SBF2: variants seen among roughly 807,000 people sequenced by gnomAD.
The protein encoded by SBF2 is myotubularin-related protein 13.
In SBF2, 112 loss-of-function variants were observed where a neutral mutation model predicts 225.2. That is an observed-to-expected ratio of 0.50 (90% CI 0.43 to 0.58). The LOEUF (loss-of-function observed/expected upper bound fraction) is 0.58, where lower values mean the gene tolerates loss of function less well. SBF2 is among the 20% of genes least tolerant of loss of function. SBF2 has a pLI of 0.00. For synonymous variants in SBF2, 763 were observed against 773.3 expected (o/e 0.99, Z 0.22); for missense variants, 1,996 against 2,206.2 (o/e 0.90, Z 1.91).
chr11:10,180,200 T>C (rs72861731), intron 2 of SBF2, among the ~76,000 whole-genome samples: 8,338 of 152,260 alleles, frequency 0.055, 318 homozygotes, highest in Middle Eastern at 0.14. Context: ...TGATGTCTTA[T>C]TTCTTATTAA....
chr11:10,132,554 G>A (rs112342759), intron 2 of SBF2, among the ~76,000 whole-genome samples: 8,269 of 148,340 alleles, frequency 0.056, 671 homozygotes, highest in Middle Eastern at 0.16. Flanking sequence ...GTCTGGAGTT[G>A]TTCGTTCCTC....
intron 17 of SBF2, among the ~76,000 whole-genome samples, chr11:9,888,708 T>TA (rs977262113): frequency 6.0e-4 from 91 of 151,186 alleles, no homozygotes; most frequent in African/African-American, 2.0e-3. Context: ...GCAAAAAGAT[T>TA]AAAAAAAAAG....
intron 32 of SBF2, among the ~76,000 whole-genome samples, chr11:9,801,775 A>C (rs1288282075): frequency 6.6e-6 from 1 of 152,232 alleles, no homozygotes. Flanking sequence ...AGACAGCAGA[A>C]ACTCTTGAAT....
rs3993326 is a variant in SBF2, at chr11:10,055,524, TACACACACACACACACACACAC to T, written c.142-12565_142-12544del. On this transcript the variant is annotated intron_variant, in intron 2 of 39. Coordinates refer to ENST00000256190, the MANE Select transcript of SBF2 (RefSeq NM_030962.4). ...ACAGATGAGTAAATAAAGAAAATGA[TACACACACACACACACACACAC>T]ACACACACACACACACACACACACA... is the stretch of plus-strand genomic sequence containing the variant. 9.0e-5 allele frequency among the ~76,000 whole-genome samples: 12 copies of T among 133,854 alleles called. 1 individual carries two copies. The highest frequency in any genetic ancestry group is 6.7e-4 in the East Asian group (3 of 4,466). 87.8% of individuals were successfully genotyped at this position (133,854 alleles called of 152,430 possible). A position where few individuals can be genotyped will look rare whatever the true frequency, so the allele number is the denominator to read the frequency against.
At chr11:9,994,994 A>G (rs752134050) in intron 9 of SBF2, among the ~76,000 whole-genome samples, 1 of 150,988 alleles carries the variant, frequency 6.6e-6, no homozygotes, top group Non-Finnish European at 1.5e-5. Context: ...CTGAGATCGC[A>G]CCACTGCACT....
Position 10,201,189 on chromosome 11 carries a change from G to C in SBF2, c.56-7202C>G, listed in dbSNP as rs530141393. The stretch of plus-strand genomic sequence containing the variant: ...TACTCATTTTAATAGAATAGAAGCT[G>C]ATCTAAAGATATCTGTCCAAAGACA... On this transcript the variant is annotated intron_variant, in intron 1 of 39. Transcript: ENST00000256190. Among the ~76,000 whole-genome samples the C allele has an allele frequency of 1.9e-3, 283 of 152,310 alleles. 1 individual carries two copies. The highest frequency in any genetic ancestry group is 6.3e-3 in the African/African-American group (261 of 41,572).
intron 7 of SBF2, 63 bp from the exon 8 acceptor site, chr11:10,001,085 T>C (rs1468498986): frequency 9.4e-6 from 8 of 852,184 alleles, no homozygotes; most frequent in South Asian, 1.4e-5. Flanking sequence ...TCTTCTTTCA[T>C]CTTTATGCTG....
At chr11:9,942,776 A>G (rs1865330243) in intron 16 of SBF2, among the ~76,000 whole-genome samples, 1 of 151,986 alleles carries the variant, frequency 6.6e-6, no homozygotes, top group South Asian at 2.1e-4. Context: ...GGCTACAGTG[A>G]GCCATGGTCA....
chr11:9,989,814 C>T (rs1352295425), intron 12 of SBF2, among the ~76,000 whole-genome samples: 1 of 152,188 alleles, frequency 6.6e-6, no homozygotes, highest in African/African-American at 2.4e-5. Context: ...ATTTAGGGCC[C>T]TATTTCTTCT....
At chr11:9,957,614 C>T (rs1866263096) in intron 16 of SBF2, 2 of 152,052 alleles carry the variant, frequency 1.3e-5, no homozygotes, top group Admixed American at 1.3e-4. Flanking sequence ...CGCCTGCCAC[C>T]ATGCCCGGCT....
At chr11:10,179,393 A>G (rs1344904107) in intron 2 of SBF2, among the ~76,000 whole-genome samples, 1 of 151,094 alleles carries the variant, frequency 6.6e-6, no homozygotes, top group Non-Finnish European at 1.5e-5. Flanking sequence ...AAAACAAAAA[A>G]AAACAAAAAC....
Position 10,029,620 on chromosome 11 carries a change from G to A in SBF2, c.513+145C>T, listed in dbSNP as rs751702766. On this transcript the variant is annotated intron_variant, in intron 5 of 39. Coordinates refer to ENST00000256190, the MANE Select transcript of SBF2 (RefSeq NM_030962.4). ...TTGAGTGTCTAGAAAGCAGACCATG[G>A]GGACAATGCTTAACTAAAGTAGGAT... is the stretch of plus-strand genomic sequence containing the variant. The A allele has an allele frequency of 1.3e-5, 9 of 692,802 alleles. 1 individual carries two copies. The Admixed American group carries it at 1.5e-4, about 11-fold the overall frequency. 42.9% of individuals were successfully genotyped at this position (692,802 alleles called of 1,614,324 possible).
intron 16 of SBF2, among the ~76,000 whole-genome samples, chr11:9,918,663 G>A (rs1290661573): frequency 1.3e-5 from 2 of 151,574 alleles, no homozygotes; most frequent in African/African-American, 2.4e-5. Context: ...GAGCCACTAC[G>A]CCTGGCCCCT....
chr11:10,149,993 T>C (rs1289440505), intron 2 of SBF2, among the ~76,000 whole-genome samples: 4 of 152,016 alleles, frequency 2.6e-5, no homozygotes, highest in African/African-American at 9.7e-5. Context: ...CACATTCTAC[T>C]CTCGAGAGCT....
intron 2 of SBF2, among the ~76,000 whole-genome samples, chr11:10,173,639 C>G (rs535618502): frequency 6.6e-6 from 1 of 152,160 alleles, no homozygotes; most frequent in Non-Finnish European, 1.5e-5. Flanking sequence ...CAGGGAAGCT[C>G]GAACTGGGTG....
At chr11:10,172,147 T>C (rs1409616757) in intron 2 of SBF2, among the ~76,000 whole-genome samples, 4 of 152,154 alleles carry the variant, frequency 2.6e-5, no homozygotes, top group African/African-American at 7.2e-5. Context: ...TGCTCCGATC[T>C]TTATTAGTTT....
chr11:9,832,750 CAAATATGG>C (rs1199116434), intron 26 of SBF2, among the ~76,000 whole-genome samples: 3 of 151,934 alleles, frequency 2.0e-5, no homozygotes, highest in Non-Finnish European at 4.4e-5. Flanking sequence ...CAACATATTT[CAAATATGG>C]AACTTAGTTT....
Position 9,789,253 on chromosome 11 carries a change from C to T in SBF2, c.4788G>A (p.Trp1596Ter), listed in dbSNP as rs1181653907. The change falls in exon 35 of 40, where the codon TGG (tryptophan) becomes TGA (stop). Residue 1596 changes from tryptophan to a stop codon, truncating the protein, a stop_gained. Transcript: ENST00000256190. LOFTEE classifies it high-confidence loss of function. ...GGAAGTGCTTGGGGGTTAGCATCAT[C>T]CAGTCATAGGAAGGGCCTGTGGACA... The part of the protein sequence containing the change: ...ETLSTGPSYD[W>*]MMLTPKHFPS... The T allele has an allele frequency of 1.2e-6, 2 of 1,614,160 alleles. No homozygotes were observed. Among genetic ancestry groups the T allele is most frequent in the South Asian group, 1.1e-5 (1 of 91,076 alleles).
chr11:9,870,746 T>C (rs979848231), intron 17 of SBF2, among the ~76,000 whole-genome samples: 1 of 151,834 alleles, frequency 6.6e-6, no homozygotes, highest in Non-Finnish European at 1.5e-5. Flanking sequence ...GAGGCTGAGG[T>C]GGGTGGAGCA....
Sources: gnomAD v4.1 joint callset for allele counts (sites outside exome capture counted in the v4.1 genomes callset) on GRCh38, gnomAD v4.1.1 for gene constraint, MANE v1.5 for transcripts, NCBI Gene and HGNC (gene_info 2026-07-23, HGNC 2026-07-21) for gene names.